The following CAMTA1 variants were observed in gnomAD, a reference collection of about 807,000 sequenced individuals.
CAMTA1 encodes the protein calmodulin binding transcription activator 1.
In CAMTA1, 27 loss-of-function variants were observed where a neutral mutation model predicts 170.9. The ratio of observed to expected loss-of-function variants is 0.16; its 90% CI spans 0.12 to 0.22. The LOEUF is 0.22. Ranked by LOEUF, CAMTA1 falls within the 10% of genes least tolerant of loss-of-function variation. The pLI, the probability that CAMTA1 is intolerant of heterozygous loss-of-function variation, is 1.00. For missense variants in CAMTA1, 1,619 were observed against 2,217.2 expected, an observed-to-expected ratio of 0.73 and a Z score of 5.42; for synonymous variants, 833 against 891.5, an observed-to-expected ratio of 0.93 and a Z score of 1.17.
chr1:6,810,944 G>C (rs1320395477), intron 1 of CAMTA1, among the ~76,000 whole-genome samples: 1 of 152,196 alleles, frequency 6.6e-6, no homozygotes, highest in Non-Finnish European at 1.5e-5. Flanking sequence ...GATGCAGATG[G>C]AAAAACGGGA....
At chr1:7,553,915 C>T (rs1557906120) in intron 6 of CAMTA1, among the ~76,000 whole-genome samples, 1 of 152,082 alleles carries the variant, frequency 6.6e-6, no homozygotes, top group Non-Finnish European at 1.5e-5. Flanking sequence ...AACATGACTG[C>T]CCCCCTGCTC....
At chr1:7,469,848 C>T (rs1306316595) in intron 6 of CAMTA1, among the ~76,000 whole-genome samples, 2 of 152,254 alleles carry the variant, frequency 1.3e-5, no homozygotes, top group African/African-American at 4.8e-5. Flanking sequence ...CCGGGTCCCT[C>T]CTAGATTCAG....
intron 4 of CAMTA1, among the ~76,000 whole-genome samples, chr1:7,167,730 T>A (rs1573602815): frequency 6.6e-6 from 1 of 152,132 alleles, no homozygotes; most frequent in South Asian, 2.1e-4. Context: ...TCTTCTTTTT[T>A]AAATTAATTG....
intron 3 of CAMTA1, among the ~76,000 whole-genome samples, chr1:6,847,545 T>G (rs1326737977): frequency 6.7e-6 from 1 of 149,556 alleles, no homozygotes; most frequent in East Asian, 1.9e-4. Flanking sequence ...TAAATTTTGT[T>G]TTTTTTTTTT....
chr1:7,491,248 A>T (rs189877368), intron 6 of CAMTA1, among the ~76,000 whole-genome samples: 9 of 152,180 alleles, frequency 5.9e-5, no homozygotes, highest in African/African-American at 2.2e-4. Flanking sequence ...GGAGGACTCC[A>T]CCCACCCTCT....
rs368007443 is a variant in CAMTA1, at chr1:7,354,063, C to T, written c.438+104437C>T. Reference sequence around the variant, plus strand: ...TTAGGATTATGGCCTCCAGCTGCATCCACGTTGCTGCAAAGACCATGATTT... The same window carrying T: ...TTAGGATTATGGCCTCCAGCTGCATTCACGTTGCTGCAAAGACCATGATTT... On this transcript the variant is annotated intron_variant, in intron 5 of 22. Coordinates refer to ENST00000303635, the MANE Select transcript of CAMTA1 (RefSeq NM_015215.4). Among the ~76,000 whole-genome samples the T allele has an allele frequency of 1.2e-4, 19 of 152,224 alleles. No homozygotes were observed. In the South Asian group the frequency reaches 2.1e-3, roughly 17 times the overall value.
intron 19 of CAMTA1, 117 bp from the exon 20 acceptor site, chr1:7,751,082 A>G (rs1414371945): frequency 3.6e-6 from 3 of 828,600 alleles, no homozygotes; most frequent in African/African-American, 3.4e-5. Context: ...CGGACAGAGA[A>G]TGTGATAATA....
At chr1:7,643,124 T>G (rs2148957311) in intron 7 of CAMTA1, among the ~76,000 whole-genome samples, 1 of 152,160 alleles carries the variant, frequency 6.6e-6, no homozygotes, top group Non-Finnish European at 1.5e-5. Flanking sequence ...CCCCTCAGTG[T>G]TTACATTTAG....
intron 3 of CAMTA1, among the ~76,000 whole-genome samples, chr1:7,047,726 T>G (rs567436265): frequency 0.025 from 3,845 of 151,546 alleles, 179 homozygotes; most frequent in African/African-American, 0.087. Flanking sequence ...TCTCTCTTTT[T>G]TTTTTTTTTT....
intron 3 of CAMTA1, among the ~76,000 whole-genome samples, chr1:6,989,716 G>A (rs1448141040): frequency 6.6e-6 from 1 of 152,178 alleles, no homozygotes; most frequent in Non-Finnish European, 1.5e-5. Context: ...GCTACCTCGG[G>A]AAGAGTTTAA....
At position 7,249,153 on chromosome 1, in the gene CAMTA1, G is replaced by A. The variant is rs2149301367; in HGVS notation, c.303-338G>A. Among the ~76,000 whole-genome samples, 1 of 152,160 alleles carries A rather than the reference G, an allele frequency of 6.6e-6. No homozygotes were observed. The highest frequency in any genetic ancestry group is 1.5e-5 in the Non-Finnish European group (1 of 68,008). On this transcript the variant is annotated intron_variant, in intron 4 of 22. Transcript: ENST00000303635. The surrounding 1 kb of genome is among the most constrained non-coding windows in gnomAD (Gnocchi z 4.4). ...ATTGCAGGCTGCCACGACACCCCTGGCTCTTTTTGCTTTCTGTCTCTGTTT... is the reference window on the plus strand; with the variant it reads ...ATTGCAGGCTGCCACGACACCCCTGACTCTTTTTGCTTTCTGTCTCTGTTT...
chr1:7,368,767 A>G (rs2086212105), intron 5 of CAMTA1, among the ~76,000 whole-genome samples: 1 of 152,162 alleles, frequency 6.6e-6, no homozygotes, highest in Admixed American at 6.5e-5. Flanking sequence ...TGTTCCGCAC[A>G]TGTTGTTAAA....
intron 5 of CAMTA1, among the ~76,000 whole-genome samples, chr1:7,411,408 A>ATG (rs1454745796): frequency 3.3e-5 from 5 of 152,168 alleles, no homozygotes; most frequent in East Asian, 1.9e-4. Context: ...GCGTGGTGAC[A>ATG]CGGCCCTGTA....
At position 7,566,178 on chromosome 1, in the gene CAMTA1, C is replaced by G. The variant is rs114464764; in HGVS notation, c.511-74222C>G. ...GGATCCTGCCTGTGCTCTCTAGAGA[C>G]TGGAGACAAGGGATCTGGTGCGAGC... On this transcript the variant is annotated intron_variant, in intron 6 of 22. Coordinates refer to ENST00000303635, the MANE Select transcript of CAMTA1 (RefSeq NM_015215.4). Among the ~76,000 whole-genome samples, 706 of 152,314 alleles carry G rather than the reference C, an allele frequency of 4.6e-3. 10 individuals are homozygous for G. Among genetic ancestry groups the G allele is most frequent in the African/African-American group, 0.016 (680 of 41,578 alleles).
At chr1:6,915,925 G>A (rs1370388028) in intron 3 of CAMTA1, among the ~76,000 whole-genome samples, 1 of 152,164 alleles carries the variant, frequency 6.6e-6, no homozygotes, top group East Asian at 1.9e-4. Flanking sequence ...ATGGGGGACT[G>A]ATCCCCTGGG....
intron 3 of CAMTA1, among the ~76,000 whole-genome samples, chr1:7,078,773 C>T (rs1043646441): frequency 3.9e-5 from 6 of 152,194 alleles, no homozygotes; most frequent in Non-Finnish European, 8.8e-5. Context: ...GTAAACCATA[C>T]AATCACTTTG....
intron 3 of CAMTA1, among the ~76,000 whole-genome samples, chr1:6,902,065 ACACAC>A (rs1557793131): frequency 9.0e-6 from 1 of 111,342 alleles, no homozygotes; most frequent in African/African-American, 3.2e-5. Context: ...ACACACACAC[ACACAC>A]ACAAAAAAAA....
intron 1 of CAMTA1, among the ~76,000 whole-genome samples, chr1:6,788,715 T>C (rs1640156250): frequency 1.3e-5 from 2 of 151,686 alleles, no homozygotes; most frequent in South Asian, 4.2e-4. Context: ...ACTTTGGGAG[T>C]TTTCCCTGGT....
At chr1:7,281,151 T>G (rs1056058947) in intron 5 of CAMTA1, among the ~76,000 whole-genome samples, 2 of 152,224 alleles carry the variant, frequency 1.3e-5, no homozygotes, top group African/African-American at 2.4e-5. Context: ...CTAGTTCCCC[T>G]ACTGGCAGCA....
Sources: gnomAD v4.1 joint callset for allele counts (sites outside exome capture counted in the v4.1 genomes callset) on GRCh38, gnomAD v4.1.1 for gene constraint, Gnocchi (gnomAD v3.1) non-coding constraint, MANE v1.5 for transcripts, NCBI Gene and HGNC (gene_info 2026-07-23, HGNC 2026-07-21) for gene names.